Variants in RBFOX1 observed in about 807,000 individuals in gnomAD.
The protein encoded by RBFOX1 is RNA binding protein fox-1 homolog 1.
A neutral mutation model predicts 57.7 loss-of-function variants in RBFOX1; 8 were observed. The ratio of observed to expected loss-of-function variants is 0.14; its 90% CI spans 0.08 to 0.25. The LOEUF (loss-of-function observed/expected upper bound fraction) is 0.25, where lower values mean the gene tolerates loss of function less well. RBFOX1 is among the 10% of genes least tolerant of loss of function. The probability of loss-of-function intolerance (pLI) is 1.00; values close to 1 mark genes in which losing one functional copy is unlikely to be tolerated. For missense variants in RBFOX1, 611 were observed against 548.5 expected, an observed-to-expected ratio of 1.11 and a Z score of -1.14; for synonymous variants, 326 against 222.4, an observed-to-expected ratio of 1.47 and a Z score of -4.15.
chr16:7,349,155 C>G (rs2097079253), intron 4 of RBFOX1, among the ~76,000 whole-genome samples: 1 of 152,112 alleles, frequency 6.6e-6, no homozygotes, highest in Non-Finnish European at 1.5e-5. Context: ...CCTAGAGACC[C>G]ACTGAAGTTC....
At chr16:5,493,773 A>G (rs1277760670) in intron 2 of RBFOX1, among the ~76,000 whole-genome samples, 3 of 152,236 alleles carry the variant, frequency 2.0e-5, no homozygotes, top group African/African-American at 7.2e-5. Context: ...ACTTCCCATC[A>G]GAGACCTTGA....
At chr16:5,737,715 G>C (rs1024603662) in intron 3 of RBFOX1, among the ~76,000 whole-genome samples, 1 of 152,004 alleles carries the variant, frequency 6.6e-6, no homozygotes, top group African/African-American at 2.4e-5. Context: ...CTCAAGATTG[G>C]ATGATGGCTG....
Position 6,406,283 on chromosome 16 carries a change from C to T in RBFOX1, c.-64+89226C>T, listed in dbSNP as rs558438680. Among the ~76,000 whole-genome samples, 88 of 152,264 alleles carry T rather than the reference C, an allele frequency of 5.8e-4. No homozygotes were observed. In the South Asian group the frequency reaches 0.016, roughly 28 times the overall value. The stretch of plus-strand genomic sequence containing the variant: ...ATGCAGCCTCCTGTCATCTGGGACT[C>T]ATGAACTTCCACCGCAGTGGTCCCT... On this transcript the variant is annotated intron_variant, in intron 2 of 15. Coordinates refer to ENST00000550418, the MANE Select transcript of RBFOX1 (RefSeq NM_018723.4).
chr16:5,411,979 C>G (rs558678692), intron 1 of RBFOX1, among the ~76,000 whole-genome samples: 2 of 152,312 alleles, frequency 1.3e-5, no homozygotes, highest in East Asian at 1.9e-4. Flanking sequence ...TGAGACTATT[C>G]TTATCTGTTT....
At chr16:5,824,617 G>A (rs2151812178) in intron 3 of RBFOX1, among the ~76,000 whole-genome samples, 1 of 152,294 alleles carries the variant, frequency 6.6e-6, no homozygotes, top group South Asian at 2.1e-4. Context: ...TTGAATAATT[G>A]AAAATGAAAA....
chr16:7,660,888 G>C (rs550833629), intron 12 of RBFOX1, among the ~76,000 whole-genome samples: 1 of 152,084 alleles, frequency 6.6e-6, no homozygotes, highest in Non-Finnish European at 1.5e-5. Flanking sequence ...CTGTGGAGCC[G>C]GACCCCCTGG....
intron 14 of RBFOX1, among the ~76,000 whole-genome samples, chr16:7,693,746 A>G (rs2077937684): frequency 6.6e-6 from 1 of 152,178 alleles, no homozygotes; most frequent in Non-Finnish European, 1.5e-5. Context: ...CTGGGTTCAT[A>G]GAGACTGATG....
At chr16:5,888,200 G>GTT (rs1423471771) in intron 4 of RBFOX1, among the ~76,000 whole-genome samples, 4 of 152,136 alleles carry the variant, frequency 2.6e-5, no homozygotes, top group Non-Finnish European at 5.9e-5. Flanking sequence ...TGCAGAGTTT[G>GTT]TTTCCTCTGC....
intron 2 of RBFOX1, among the ~76,000 whole-genome samples, chr16:6,425,273 G>A (rs1204738100): frequency 1.3e-5 from 2 of 152,132 alleles, no homozygotes; most frequent in Non-Finnish European, 2.9e-5. Flanking sequence ...GTTTGGGGAG[G>A]GTAACATTGG....
chr16:7,670,965 T>A (rs1597725441), intron 13 of RBFOX1, among the ~76,000 whole-genome samples: 1 of 152,316 alleles, frequency 6.6e-6, no homozygotes, highest in East Asian at 1.9e-4. Flanking sequence ...AACACTAGTT[T>A]ACACACACGC....
At chr16:6,821,329 G>A (rs1029402595) in intron 3 of RBFOX1, among the ~76,000 whole-genome samples, 14 of 152,128 alleles carry the variant, frequency 9.2e-5, no homozygotes, top group Non-Finnish European at 2.1e-4. Flanking sequence ...TACCTGACAT[G>A]TTTTGTCCCC....
intron 3 of RBFOX1, among the ~76,000 whole-genome samples, chr16:5,844,982 A>C (rs1165428142): frequency 6.6e-6 from 1 of 152,174 alleles, no homozygotes; most frequent in African/African-American, 2.4e-5. Flanking sequence ...TTCATAACAC[A>C]AGGTATATTA....
chr16:6,726,541 G>A (rs992113582), intron 3 of RBFOX1, among the ~76,000 whole-genome samples: 1 of 151,990 alleles, frequency 6.6e-6, no homozygotes, highest in African/African-American at 2.4e-5. Flanking sequence ...ACATGTTCAG[G>A]TTCTTGTGAA....
chr16:6,115,189 C>G (rs1597435017), intron 1 of RBFOX1, among the ~76,000 whole-genome samples: 1 of 152,264 alleles, frequency 6.6e-6, no homozygotes, highest in East Asian at 1.9e-4. Flanking sequence ...ATTTTTACTT[C>G]ATCCTGTCAG....
At chr16:6,909,152 A>G (rs1381017355) in intron 3 of RBFOX1, among the ~76,000 whole-genome samples, 8 of 152,196 alleles carry the variant, frequency 5.3e-5, no homozygotes, top group East Asian at 1.9e-4. Context: ...TCAAACGTCA[A>G]CAGTGTTGCA....
At chr16:5,500,110 T>TG (rs1567166284) in intron 2 of RBFOX1, among the ~76,000 whole-genome samples, 1 of 84,048 alleles carries the variant, frequency 1.2e-5, no homozygotes, top group African/African-American at 7.0e-5. Context: ...CTCCCTTCCC[T>TG]CCCTTCCCTC....
chr16:6,747,604 C>G (rs114305164), intron 3 of RBFOX1, among the ~76,000 whole-genome samples: 3 of 152,136 alleles, frequency 2.0e-5, no homozygotes, highest in South Asian at 2.1e-4. Context: ...TGGGTCTTCT[C>G]TTTAAACATC....
intron 1 of RBFOX1, among the ~76,000 whole-genome samples, chr16:6,035,889 G>C (rs773494380): frequency 1.3e-4 from 20 of 152,334 alleles, no homozygotes; most frequent in South Asian, 6.2e-4. Flanking sequence ...TCTGAGAAAA[G>C]TGCTTGATAG....
At chr16:6,223,154 T>A (rs1251594360) in intron 1 of RBFOX1, among the ~76,000 whole-genome samples, 1 of 150,862 alleles carries the variant, frequency 6.6e-6, no homozygotes, top group Non-Finnish European at 1.5e-5. Flanking sequence ...AGTGCCACAA[T>A]AAACATACGT....
Sources: allele counts gnomAD v4.1 joint callset (sites outside exome capture counted in the v4.1 genomes callset), GRCh38; gene constraint gnomAD v4.1.1; transcripts MANE v1.5; gene names NCBI Gene and HGNC (gene_info 2026-07-23, HGNC 2026-07-21).